RGS17: variants seen among roughly 807,000 people sequenced by gnomAD.
RGS17 encodes the protein regulator of G-protein signaling 17.
In RGS17, 12 loss-of-function variants were observed where a neutral mutation model predicts 25.5. The observed-to-expected ratio is 0.47, with a 90% CI of 0.30 to 0.76. The LOEUF is 0.76. Ranked by LOEUF, RGS17 falls within the 30% of genes least tolerant of loss-of-function variation. RGS17 has a pLI of 0.07. For synonymous variants in RGS17, 71 were observed against 76.9 expected, an observed-to-expected ratio of 0.92 and a Z score of 0.40; for missense variants, 196 against 242.2, an observed-to-expected ratio of 0.81 and a Z score of 1.27.
chr6:153,029,213 G>T (rs189703427), intron 2 of RGS17, among the ~76,000 whole-genome samples: 2 of 152,322 alleles, frequency 1.3e-5, no homozygotes, highest in Admixed American at 1.3e-4. Flanking sequence ...CCACAGTCTT[G>T]CCCTGTAGAA....
chr6:153,069,739 C>CGTGTGTGT (rs60117149), intron 1 of RGS17, among the ~76,000 whole-genome samples: 3,584 of 141,016 alleles, frequency 0.025, 53 homozygotes, highest in Non-Finnish European at 0.03. Flanking sequence ...ATATACACCT[C>CGTGTGTGT]GTGTGTGTGT....
At chr6:153,122,765 A>G (rs1181413821) in intron 1 of RGS17, among the ~76,000 whole-genome samples, 1 of 152,080 alleles carries the variant, frequency 6.6e-6, no homozygotes, top group East Asian at 1.9e-4. Flanking sequence ...TCTATGAACT[A>G]TTAGATGTAT....
At chr6:153,075,083 A>G (rs1776859528) in intron 1 of RGS17, among the ~76,000 whole-genome samples, 1 of 152,214 alleles carries the variant, frequency 6.6e-6, no homozygotes, top group Non-Finnish European at 1.5e-5. Context: ...TAGATAAATG[A>G]GTTCATACAT....
intron 4 of RGS17, among the ~76,000 whole-genome samples, chr6:153,013,362 G>C (rs1474231791): frequency 6.6e-6 from 1 of 152,098 alleles, no homozygotes; most frequent in Non-Finnish European, 1.5e-5. Context: ...TATACTGACT[G>C]TTCCACTGAC....
At position 153,119,462 on chromosome 6, in the gene RGS17, G is replaced by A. The variant is rs535573054; in HGVS notation, c.-26+11662C>T. Among the ~76,000 whole-genome samples, 7 of 152,280 alleles carry A rather than the reference G, an allele frequency of 4.6e-5. No individual in the cohort carries two copies. In the South Asian group the frequency reaches 8.3e-4, roughly 18 times the overall value. Reference sequence around the variant, plus strand: ...TCCCAGCACTTTGGGAGGCTGAGGCGGGTGGATCGCCTGAGGTCGGAGTTT... The same window carrying A: ...TCCCAGCACTTTGGGAGGCTGAGGCAGGTGGATCGCCTGAGGTCGGAGTTT... On this transcript the variant is annotated intron_variant, in intron 1 of 4. Coordinates refer to ENST00000206262, the MANE Select transcript of RGS17 (RefSeq NM_012419.5).
At position 153,007,954 on chromosome 6, in the gene RGS17, CCTTCTCTTTTACATTTCAACA is replaced by C; in HGVS notation, c.*3599_*3619del. On this transcript the variant is annotated 3_prime_UTR_variant, in exon 5 of 5. Coordinates refer to ENST00000206262, the MANE Select transcript of RGS17 (RefSeq NM_012419.5). ...GACTTTTTTGATTGTATTTTAAATT[CCTTCTCTTTTACATTTCAACA>C]CCAAAGCATCTAATAATTGGTATTT... The C allele has an allele frequency of 6.6e-6, 1 of 151,964 alleles. No individual in the cohort carries two copies. Among genetic ancestry groups the C allele is most frequent in the East Asian group, 1.9e-4 (1 of 5,192 alleles). 9.4% of individuals were successfully genotyped at this position (151,964 alleles called of 1,614,324 possible).
At chr6:153,014,536 C>T (rs1006977785) in intron 4 of RGS17, among the ~76,000 whole-genome samples, 1 of 152,162 alleles carries the variant, frequency 6.6e-6, no homozygotes, top group Admixed American at 6.5e-5. Context: ...CGGTGGCTCA[C>T]GCCTGTAATC....
chr6:153,082,277 T>G (rs1776996593), intron 1 of RGS17, among the ~76,000 whole-genome samples: 1 of 152,212 alleles, frequency 6.6e-6, no homozygotes, highest in South Asian at 2.1e-4. Context: ...GGAAAACTGT[T>G]GGCTATTAGT....
Position 153,006,342 on chromosome 6 carries a change from TTGGAAA to T in RGS17, c.*5226_*5231del, listed in dbSNP as rs1779073793. 1 of 152,616 alleles carries T rather than the reference TTGGAAA, an allele frequency of 6.6e-6. No homozygotes were observed. Among genetic ancestry groups the T allele is most frequent in the Admixed American group, 6.5e-5 (1 of 15,286 alleles). 9.5% of individuals were successfully genotyped at this position (152,616 alleles called of 1,614,324 possible). Reference sequence around the variant, plus strand: ...CCTTGGGAATGTTGTTTTATTTCCTTTGGAAATAAAACTTTCAAATGATTGATCTTA... The same window carrying T: ...CCTTGGGAATGTTGTTTTATTTCCTTTAAAACTTTCAAATGATTGATCTTA... On this transcript the variant is annotated 3_prime_UTR_variant, in exon 5 of 5. Transcript: ENST00000206262.
At chr6:153,021,601 T>C (rs1045524174) in intron 4 of RGS17, among the ~76,000 whole-genome samples, 1 of 152,220 alleles carries the variant, frequency 6.6e-6, no homozygotes. Context: ...ATTACTCTGT[T>C]GACAGGATAG....
chr6:153,054,098 A>ATATATT (rs1186222896), intron 1 of RGS17, among the ~76,000 whole-genome samples: 1 of 88,760 alleles, frequency 1.1e-5, no homozygotes, highest in African/African-American at 4.8e-5. Flanking sequence ...TTTTTTATAT[A>ATATATT]TATATATATA....
At chr6:153,027,263 T>C (rs1043660965) in intron 2 of RGS17, among the ~76,000 whole-genome samples, 7 of 152,204 alleles carry the variant, frequency 4.6e-5, no homozygotes, top group African/African-American at 1.7e-4. Context: ...CCGAAGGTTT[T>C]AGTAGCCCAG....
chr6:153,053,435 A>G (rs548194896), intron 1 of RGS17, among the ~76,000 whole-genome samples: 1 of 152,324 alleles, frequency 6.6e-6, no homozygotes, highest in South Asian at 2.1e-4. Flanking sequence ...ATTGCAAAAG[A>G]AAGAATTTCA....
intron 1 of RGS17, among the ~76,000 whole-genome samples, chr6:153,068,074 A>G (rs1053122726): frequency 2.0e-5 from 3 of 152,228 alleles, no homozygotes; most frequent in African/African-American, 7.2e-5. Flanking sequence ...AGTCTCTTCA[A>G]TAAATGGTGC....
At chr6:153,058,689 T>C (rs1240048230) in intron 1 of RGS17, among the ~76,000 whole-genome samples, 1 of 152,166 alleles carries the variant, frequency 6.6e-6, no homozygotes, top group Non-Finnish European at 1.5e-5. Context: ...AGATAGTTAT[T>C]CTTAGTTGTG....
At chr6:153,058,889 C>T (rs1416472241) in intron 1 of RGS17, among the ~76,000 whole-genome samples, 1 of 133,948 alleles carries the variant, frequency 7.5e-6, no homozygotes, top group Non-Finnish European at 1.6e-5. Context: ...AGGGTATACT[C>T]GTTAGCGCAT....
chr6:153,098,252 T>C (rs1194032629), intron 1 of RGS17, among the ~76,000 whole-genome samples: 1 of 152,108 alleles, frequency 6.6e-6, no homozygotes, highest in Non-Finnish European at 1.5e-5. Context: ...GTGACCTTAG[T>C]CAGGAGGAGT....
intron 1 of RGS17, among the ~76,000 whole-genome samples, chr6:153,105,544 G>A (rs3870364): frequency 0.46 from 70,058 of 151,938 alleles, 16,894 homozygotes; most frequent in East Asian, 0.84. Context: ...CGCTGCTGGA[G>A]AGGCAAGCTC....
At chr6:153,023,947 C>T (rs535462462) in intron 4 of RGS17, among the ~76,000 whole-genome samples, 1 of 152,198 alleles carries the variant, frequency 6.6e-6, no homozygotes, top group South Asian at 2.1e-4. Flanking sequence ...TGCGAAATAC[C>T]ACCCTAAAAT....
Sources: gnomAD v4.1 joint callset for allele counts (sites outside exome capture counted in the v4.1 genomes callset) on GRCh38, gnomAD v4.1.1 for gene constraint, MANE v1.5 for transcripts, NCBI Gene and HGNC (gene_info 2026-07-23, HGNC 2026-07-21) for gene names.